The following ATPAF1 variants were observed in gnomAD, a reference collection of about 807,000 sequenced individuals.
The protein encoded by ATPAF1 is ATP synthase mitochondrial F1 complex assembly factor 1, also known as homolog of yeast ATP11.
Under a neutral mutation model 43.9 loss-of-function variants are expected in ATPAF1, and 26 were observed. That is an observed-to-expected ratio of 0.59 (90% CI 0.43 to 0.82). ATPAF1 has a LOEUF of 0.82. Ranked by LOEUF, ATPAF1 falls within the 40% of genes least tolerant of loss-of-function variation. ATPAF1 has a pLI of 0.00. For synonymous variants in ATPAF1, 157 were observed against 168.0 expected (o/e 0.93, Z 0.50); for missense variants, 366 against 435.0 (o/e 0.84, Z 1.41).
chr1:46,665,326 C>A, exon 2 of ATPAF1: 1 of 1,614,242 alleles, frequency 6.2e-7, no homozygotes, highest in South Asian at 1.1e-5. Context: ...AAATTCACTG[C>A]GTTTCTCCAG....
At chr1:46,662,204 A>G (rs745468043) in intron 2 of ATPAF1, among the ~76,000 whole-genome samples, 1 of 152,140 alleles carries the variant, frequency 6.6e-6, no homozygotes, top group African/African-American at 2.4e-5. Context: ...TCATAAAGCC[A>G]AATTTCTAAG....
intron 6 of ATPAF1, among the ~76,000 whole-genome samples, chr1:46,647,271 A>G (rs1178470883): frequency 6.6e-6 from 1 of 151,964 alleles, no homozygotes; most frequent in Non-Finnish European, 1.5e-5. Flanking sequence ...GTGGAGATCT[A>G]CCTGTATTGC....
intron 6 of ATPAF1, among the ~76,000 whole-genome samples, chr1:46,645,675 T>C (rs945924059): frequency 6.6e-6 from 1 of 152,166 alleles, no homozygotes; most frequent in Non-Finnish European, 1.5e-5. Context: ...AAACATTTTT[T>C]TAAAATTAAG....
At position 46,668,090 on chromosome 1, in the gene ATPAF1, T is replaced by C. The variant is rs759777327; in HGVS notation, c.233A>G (p.Asp78Gly). 5 of 1,453,572 alleles carry C rather than the reference T, an allele frequency of 3.4e-6. No individual in the cohort carries two copies. The South Asian group carries it at 6.8e-5, about 20-fold the overall frequency. The allele number at this position is 1,453,572 out of a possible 1,614,324, so 90.0% of individuals were successfully genotyped here. Residue 78 changes from aspartate (D) to glycine (G), a missense_variant, in exon 1 of 9, where the codon GAC (aspartate) becomes GGC (glycine). Coordinates refer to ENST00000574428, the Ensembl canonical transcript of ATPAF1. This position sits in a 1 kb window ranked among gnomAD's most constrained non-coding sequence, Gnocchi z 4.4. ...CAGCTGGATCTTGTCGCGGTAGCGG[T>C]CGTAGAAAGGGTTGGCCTGGAGCTC...
intron 2 of ATPAF1, among the ~76,000 whole-genome samples, chr1:46,662,233 GC>G (rs1192005361): frequency 1.3e-5 from 2 of 152,068 alleles, no homozygotes; most frequent in Non-Finnish European, 2.9e-5. Flanking sequence ...CCAAAAAGGG[GC>G]AAAGAACATT....
chr1:46,664,059 A>AT (rs913541887), intron 2 of ATPAF1: 432 of 334,824 alleles, frequency 1.3e-3, no homozygotes, highest in East Asian at 2.1e-3. Context: ...TATTTTATAC[A>AT]TTTTTTTTTC....
chr1:46,663,809 A>G, intron 2 of ATPAF1: 1 of 1,167,922 alleles, frequency 8.6e-7, no homozygotes, highest in Non-Finnish European at 1.1e-6. Flanking sequence ...ACAATGTAGA[A>G]TCCCAATTTT....
In ATPAF1 at chr1:46,658,358, C is replaced by T. The variant is rs563787182; in HGVS notation, c.427-169G>A. Among the ~76,000 whole-genome samples, 3 of 152,258 alleles carry T rather than the reference C, an allele frequency of 2.0e-5. No individual in the cohort carries two copies. The South Asian group carries it at 6.2e-4, about 32-fold the overall frequency. On this transcript the variant is annotated intron_variant, in intron 3 of 8. Coordinates refer to ENST00000574428, the Ensembl canonical transcript of ATPAF1. ...TGCTCAGAGAAAGTGAGCCCCCAAG[C>T]CTAGACAGGTTTTCATAGTTCTGTT...
chr1:46,646,073 G>A (rs1479005757), intron 6 of ATPAF1, among the ~76,000 whole-genome samples: 1 of 152,204 alleles, frequency 6.6e-6, no homozygotes, highest in Admixed American at 6.5e-5. Context: ...CTACTCGGGG[G>A]CTGAGGCAGG....
intron 2 of ATPAF1, among the ~76,000 whole-genome samples, chr1:46,661,856 C>A (rs566049183): frequency 1.3e-4 from 19 of 150,288 alleles, no homozygotes; most frequent in Admixed American, 2.0e-4. Context: ...TAAATTAAAT[C>A]TTTACATATT....
chr1:46,661,629 C>T (rs1037797168), intron 2 of ATPAF1, among the ~76,000 whole-genome samples: 4 of 152,060 alleles, frequency 2.6e-5, no homozygotes, highest in Non-Finnish European at 5.9e-5. Flanking sequence ...TATATTTTTA[C>T]ATACCTATTG....
rs908988883 is a variant in ATPAF1, at chr1:46,653,325, G to A, written c.540+492C>T. 6.6e-6 allele frequency among the ~76,000 whole-genome samples: 1 copy of A among 152,046 alleles called. No homozygotes were observed. Among genetic ancestry groups the A allele is most frequent in the African/African-American group, 2.4e-5 (1 of 41,394 alleles). ...GACCTTAATGGTCAAGCAGTAGATG[G>A]TGACCATCTCTAAGAATAATTTCAA... On this transcript the variant is annotated intron_variant, in intron 5 of 8. Coordinates refer to ENST00000574428, the Ensembl canonical transcript of ATPAF1. This position sits in a 1 kb window ranked among gnomAD's most constrained non-coding sequence, Gnocchi z 4.8.
chr1:46,658,568 GA>G, intron 3 of ATPAF1, 118 bp downstream of exon 3: 2 of 717,530 alleles, frequency 2.8e-6, no homozygotes, highest in Admixed American at 3.2e-5. Flanking sequence ...TCTACAGCTG[GA>G]AAATCACCTT....
At chr1:46,662,299 T>A (rs960605561) in intron 2 of ATPAF1, among the ~76,000 whole-genome samples, 7 of 152,338 alleles carry the variant, frequency 4.6e-5, no homozygotes, top group Admixed American at 1.3e-4. Context: ...GCTATTGACT[T>A]GTAACCTTAC....
At chr1:46,637,960 G>T (rs1675872656) in intron 8 of ATPAF1, among the ~76,000 whole-genome samples, 1 of 152,162 alleles carries the variant, frequency 6.6e-6, no homozygotes, top group Non-Finnish European at 1.5e-5. Flanking sequence ...TTCTGGTAGG[G>T]CAAGATAATT....
At chr1:46,641,858 T>C (rs1675956852) in intron 8 of ATPAF1, among the ~76,000 whole-genome samples, 1 of 152,096 alleles carries the variant, frequency 6.6e-6, no homozygotes, top group African/African-American at 2.4e-5. Context: ...CTCTTCTCTA[T>C]TTTTACTTAC....
rs1676194587 is a variant in ATPAF1 at position 46,652,686 on chromosome 1, A to AT, written c.541-59dup. 4.3e-6 allele frequency: 6 copies of AT among 1,396,116 alleles called. No homozygotes were observed. In the Admixed American group the frequency reaches 1.1e-4, roughly 25 times the overall value. 86.5% of individuals were successfully genotyped at this position (1,396,116 alleles called of 1,614,324 possible). Reference sequence around the variant, plus strand: ...ACATAGTAAAACACAAAAGGCCACTATCACATGTAATTCACCAAGACTGAA... The same window carrying AT: ...ACATAGTAAAACACAAAAGGCCACTATTCACATGTAATTCACCAAGACTGAA... On this transcript the variant is annotated intron_variant, in intron 5 of 8. Transcript: ENST00000574428.
At chr1:46,654,803 T>C (rs1437290725) in intron 4 of ATPAF1, among the ~76,000 whole-genome samples, 1 of 152,070 alleles carries the variant, frequency 6.6e-6, no homozygotes, top group East Asian at 1.9e-4. Flanking sequence ...TGGTTTTCTG[T>C]CCTTGTGATA....
chr1:46,660,913 C>G (rs1243359518), intron 2 of ATPAF1, among the ~76,000 whole-genome samples: 1 of 151,922 alleles, frequency 6.6e-6, no homozygotes, highest in South Asian at 2.1e-4. Context: ...CTGAAAATAC[C>G]TATAATATTT....
Sources: allele counts gnomAD v4.1 joint callset (sites outside exome capture counted in the v4.1 genomes callset), GRCh38; gene constraint gnomAD v4.1.1; non-coding constraint Gnocchi (gnomAD v3.1); transcripts MANE v1.5; gene names NCBI Gene and HGNC (gene_info 2026-07-23, HGNC 2026-07-21).